DEPTOR: variants seen among roughly 807,000 people sequenced by gnomAD.
The protein encoded by DEPTOR is DEP domain containing MTOR interacting protein.
In DEPTOR, 41 loss-of-function variants were observed where a neutral mutation model predicts 41.6. That is an observed-to-expected ratio of 0.98 (90% CI 0.77 to 1.28). The LOEUF (loss-of-function observed/expected upper bound fraction) is 1.28, where lower values mean the gene tolerates loss of function less well. Among genes scored for constraint, DEPTOR ranks in the 50% most tolerant of loss-of-function variants. The pLI is 0.00. For synonymous variants in DEPTOR, 195 were observed against 192.3 expected, an observed-to-expected ratio of 1.01 and a Z score of -0.12; for missense variants, 514 against 527.9, an observed-to-expected ratio of 0.97 and a Z score of 0.26.
intron 8 of DEPTOR, among the ~76,000 whole-genome samples, chr8:120,026,441 C>T (rs1050693622): frequency 1.3e-5 from 2 of 151,690 alleles, no homozygotes; most frequent in African/African-American, 4.8e-5. Context: ...CTCCTGGGTT[C>T]GAGCGATTCT....
intron 6 of DEPTOR, among the ~76,000 whole-genome samples, chr8:120,003,705 G>T (rs965582164): frequency 3.9e-5 from 6 of 152,064 alleles, no homozygotes; most frequent in Non-Finnish European, 8.8e-5. Flanking sequence ...ATTGACCCTG[G>T]GTGTCTTGTG....
In DEPTOR at chr8:120,049,798, T is replaced by C. The variant is rs1813208614; in HGVS notation, c.*94T>C. The C allele has an allele frequency of 6.5e-7, 1 of 1,545,402 alleles. No individual in the cohort carries two copies. Among genetic ancestry groups the C allele is most frequent in the Non-Finnish European group, 8.8e-7 (1 of 1,135,162 alleles). The stretch of plus-strand genomic sequence containing the variant: ...AAGACAAGATTGCCATGCAAATGGA[T>C]GGTTTTGGACATACGAGTCTTCTCC... On this transcript the variant is annotated 3_prime_UTR_variant, in exon 9 of 9. Transcript: ENST00000286234.
chr8:119,984,390 G>T (rs139188974), intron 4 of DEPTOR, among the ~76,000 whole-genome samples: 2,198 of 152,146 alleles, frequency 0.014, 53 homozygotes, highest in African/African-American at 0.051. Context: ...TCTACATTAG[G>T]TATTTCTCCT....
intron 3 of DEPTOR, among the ~76,000 whole-genome samples, chr8:119,948,215 T>C (rs1420894392): frequency 6.6e-6 from 1 of 152,184 alleles, no homozygotes; most frequent in African/African-American, 2.4e-5. Flanking sequence ...CCACGTCTTT[T>C]CATTTATGCA....
At chr8:119,987,656 G>C (rs1828846954) in intron 4 of DEPTOR, among the ~76,000 whole-genome samples, 1 of 152,178 alleles carries the variant, frequency 6.6e-6, no homozygotes, top group Non-Finnish European at 1.5e-5. Context: ...CAGGTGCTCT[G>C]TCCCAGGGAG....
At chr8:120,011,058 G>T (rs1812525213) in intron 8 of DEPTOR, among the ~76,000 whole-genome samples, 1 of 152,132 alleles carries the variant, frequency 6.6e-6, no homozygotes, top group African/African-American at 2.4e-5. Flanking sequence ...TCTTCCATCA[G>T]TCTTTTCCTA....
chr8:120,032,207 CTTTCTTTTT>C (rs1384620113), intron 8 of DEPTOR, among the ~76,000 whole-genome samples: 1 of 63,570 alleles, frequency 1.6e-5, no homozygotes, highest in African/African-American at 5.1e-5. Flanking sequence ...ATGACACTAA[CTTTCTTTTT>C]TTTTTTTTTT....
rs150570739 is a variant in DEPTOR, at chr8:119,873,881, G to A, written c.35G>A (p.Ser12Asn). 38 of 1,613,458 alleles carry A rather than the reference G, an allele frequency of 2.4e-5. No individual in the cohort carries two copies. Among genetic ancestry groups the A allele is most frequent in the Non-Finnish European group, 3.1e-5 (37 of 1,179,806 alleles). The change falls in exon 1 of 9, where the codon AGT becomes AAT. Residue 12 changes from serine to asparagine, a missense_variant. Coordinates refer to ENST00000286234, the MANE Select transcript of DEPTOR (RefSeq NM_022783.4). ...EEGGSTGSAG[S>N]DSSTSGSGGA... is the part of the protein sequence containing the mutation. ...GGCGGCAGCACTGGCAGTGCTGGCA[G>A]TGACAGCAGCACCAGCGGGAGTGGC...
rs186553453 is a variant in DEPTOR at position 119,904,594 on chromosome 8, A to G, written c.123-23806A>G. ...ACTGCAACCTCCACCTCCTGGGTTC[A>G]AGCAATTCTCCCTGCCTCAGCCTCC... On this transcript the variant is annotated intron_variant, in intron 1 of 8. Transcript: ENST00000286234. 8.1e-3 allele frequency among the ~76,000 whole-genome samples: 1,226 copies of G among 152,138 alleles called. 16 individuals carry two copies. Among genetic ancestry groups the G allele is most frequent in the African/African-American group, 0.028 (1,168 of 41,520 alleles).
At position 119,921,210 on chromosome 8, in the gene DEPTOR, C is replaced by T. The variant is rs562435930; in HGVS notation, c.123-7190C>T. On this transcript the variant is annotated intron_variant, in intron 1 of 8. Transcript: ENST00000286234. ...CAGGTTGGTCTCGAACTCCTGACCTCGGGCAATCCACCAGCCTCGGCCTCC... is the reference window on the plus strand; with the variant it reads ...CAGGTTGGTCTCGAACTCCTGACCTTGGGCAATCCACCAGCCTCGGCCTCC... Among the ~76,000 whole-genome samples, 8 of 152,250 alleles carry T rather than the reference C, an allele frequency of 5.3e-5. No homozygotes were observed. In the South Asian group the frequency reaches 1.0e-3, roughly 20 times the overall value.
At chr8:120,019,909 A>G (rs973216008) in intron 8 of DEPTOR, among the ~76,000 whole-genome samples, 7 of 151,856 alleles carry the variant, frequency 4.6e-5, no homozygotes, top group Non-Finnish European at 8.8e-5. Flanking sequence ...AACCTCATCT[A>G]AGTCACTGCC....
At chr8:119,877,908 A>G (rs1450734494) in intron 1 of DEPTOR, among the ~76,000 whole-genome samples, 1 of 152,122 alleles carries the variant, frequency 6.6e-6, no homozygotes, top group Non-Finnish European at 1.5e-5. Flanking sequence ...GGCTGGCTCC[A>G]CAATCCTGAC....
intron 4 of DEPTOR, among the ~76,000 whole-genome samples, chr8:119,973,094 C>T (rs1322389252): frequency 6.6e-6 from 1 of 151,920 alleles, no homozygotes; most frequent in Non-Finnish European, 1.5e-5. Context: ...CATGAGCCAC[C>T]ACACCCGGCT....
intron 1 of DEPTOR, among the ~76,000 whole-genome samples, chr8:119,888,858 CA>C (rs34471575): frequency 0.3 from 18,975 of 63,110 alleles, 446 homozygotes; most frequent in East Asian, 0.4. Context: ...TCTGTCTCAG[CA>C]AAAAAAAAAA....
chr8:119,973,754 T>C (rs958596754), intron 4 of DEPTOR, among the ~76,000 whole-genome samples: 1 of 152,240 alleles, frequency 6.6e-6, no homozygotes, highest in Admixed American at 6.5e-5. Flanking sequence ...ACTTCAACAA[T>C]TTCAACACTA....
At chr8:119,931,955 AAAGATTATT>A (rs1214772326) in intron 3 of DEPTOR, among the ~76,000 whole-genome samples, 2 of 127,832 alleles carry the variant, frequency 1.6e-5, no homozygotes, top group Non-Finnish European at 3.3e-5. Flanking sequence ...TTTAATTAAA[AAAGATTATT>A]ATTATTATTA....
chr8:119,984,885 ACAGTATAGAAG>A (rs1828810254), intron 4 of DEPTOR, among the ~76,000 whole-genome samples: 1 of 152,054 alleles, frequency 6.6e-6, no homozygotes, highest in Admixed American at 6.6e-5. Flanking sequence ...ACTCCCACCA[ACAGTATAGAAG>A]CATTCCTGGG....
At chr8:120,025,184 G>A (rs933154885) in intron 8 of DEPTOR, among the ~76,000 whole-genome samples, 1 of 152,212 alleles carries the variant, frequency 6.6e-6, no homozygotes, top group Non-Finnish European at 1.5e-5. Context: ...ATTAAAGACT[G>A]TGATATGTGC....
At chr8:119,970,895 G>A (rs1036883472) in intron 4 of DEPTOR, among the ~76,000 whole-genome samples, 4 of 152,200 alleles carry the variant, frequency 2.6e-5, no homozygotes, top group Admixed American at 2.0e-4. Context: ...GGGAGCCCTC[G>A]GAGGGGCCAA....
Sources: allele counts gnomAD v4.1 joint callset (sites outside exome capture counted in the v4.1 genomes callset), GRCh38; gene constraint gnomAD v4.1.1; transcripts MANE v1.5; gene names NCBI Gene and HGNC (gene_info 2026-07-23, HGNC 2026-07-21).